The following CSMD2 variants were observed in gnomAD, a reference collection of about 807,000 sequenced individuals.
CSMD2 encodes CUB and Sushi multiple domains 2.
In CSMD2, 130 loss-of-function variants were observed where a neutral mutation model predicts 398.5. The ratio of observed to expected loss-of-function variants is 0.33; its 90% CI spans 0.28 to 0.38. CSMD2 has a LOEUF of 0.38. CSMD2 is among the 10% of genes least tolerant of loss of function. The probability of loss-of-function intolerance (pLI) is 1.00; values close to 1 mark genes in which losing one functional copy is unlikely to be tolerated. For missense variants in CSMD2, 3,829 were observed against 4,764.9 expected (o/e 0.80, Z 5.78); for synonymous variants, 1,828 against 1,908.5 (o/e 0.96, Z 1.10).
Position 33,537,364 on chromosome 1 carries a change from A to G in CSMD2, c.9805+72T>C. The G allele has an allele frequency of 1.4e-6, 2 of 1,424,992 alleles. No homozygotes were observed. The highest frequency in any genetic ancestry group is 1.9e-6 in the Non-Finnish European group (2 of 1,038,924). The allele number at this position is 1,424,992 out of a possible 1,614,324, so 88.3% of individuals were successfully genotyped here. On this transcript the variant is annotated intron_variant, in intron 61 of 70. Coordinates refer to ENST00000373381, the MANE Select transcript of CSMD2 (RefSeq NM_001281956.2). The surrounding 1 kb of genome is among the most constrained non-coding windows in gnomAD (Gnocchi z 4.6). Reference sequence around the variant, plus strand: ...CCACTGAAGACAGGGAAGGAAAGTAATCATCTCAGGCCCAAAAGAAGGTCT... The same window carrying G: ...CCACTGAAGACAGGGAAGGAAAGTAGTCATCTCAGGCCCAAAAGAAGGTCT...
chr1:33,804,735 C>T (rs931095348), intron 10 of CSMD2: 5 of 717,300 alleles, frequency 7.0e-6, no homozygotes, highest in Non-Finnish European at 1.0e-5. Context: ...TTGGATACAC[C>T]TGTATCTCAC....
chr1:33,610,164 G>A (rs1223739966), intron 41 of CSMD2, among the ~76,000 whole-genome samples: 1 of 151,598 alleles, frequency 6.6e-6, no homozygotes, highest in Non-Finnish European at 1.5e-5. Context: ...TTGGCTTATG[G>A]TATTTTGTTA....
intron 29 of CSMD2, among the ~76,000 whole-genome samples, chr1:33,644,115 C>T (rs1330129163): frequency 1.3e-5 from 2 of 152,098 alleles, no homozygotes; most frequent in Non-Finnish European, 2.9e-5. Context: ...TTGGCTGGCT[C>T]CGATGGCAGC....
At chr1:34,140,019 T>C (rs767439468) in intron 1 of CSMD2, among the ~76,000 whole-genome samples, 13 of 152,144 alleles carry the variant, frequency 8.5e-5, no homozygotes, top group East Asian at 3.9e-4. Flanking sequence ...GGACCATCCA[T>C]GGTCCAGAGG....
intron 6 of CSMD2, among the ~76,000 whole-genome samples, chr1:33,830,447 G>A (rs1029626602): frequency 6.6e-6 from 1 of 152,174 alleles, no homozygotes; most frequent in Non-Finnish European, 1.5e-5. Context: ...TGCAGCTGAG[G>A]GTCCTGTCTG....
chr1:33,669,949 T>A (rs1216503830), intron 25 of CSMD2, among the ~76,000 whole-genome samples: 2 of 152,222 alleles, frequency 1.3e-5, no homozygotes, highest in African/African-American at 4.8e-5. Flanking sequence ...AGACAGATTC[T>A]TCCCCAGTAT....
chr1:33,710,434 T>C (rs1378056757), intron 21 of CSMD2, among the ~76,000 whole-genome samples: 2 of 151,662 alleles, frequency 1.3e-5, no homozygotes, highest in Admixed American at 6.6e-5. Flanking sequence ...TGAATGGATA[T>C]GGAGTACACT....
intron 2 of CSMD2, among the ~76,000 whole-genome samples, chr1:34,075,262 A>G (rs1656197823): frequency 6.6e-6 from 1 of 152,212 alleles, no homozygotes; most frequent in East Asian, 1.9e-4. Context: ...GGGTCCTCCC[A>G]GCCTCCTTCT....
At chr1:33,787,682 A>G (rs1653700328) in intron 12 of CSMD2, among the ~76,000 whole-genome samples, 1 of 152,172 alleles carries the variant, frequency 6.6e-6, no homozygotes, top group African/African-American at 2.4e-5. Flanking sequence ...TCTAGCGTCT[A>G]GTACCTAAGA....
In CSMD2 at chr1:33,859,430, T is replaced by C. The variant is rs116556086; in HGVS notation, c.921-12434A>G. The stretch of plus-strand genomic sequence containing the variant: ...ATCACATCTCCTCTGACTGTGACAC[T>C]CCTGCCTTCCTCTTACAAAGGCCAT... On this transcript the variant is annotated intron_variant, in intron 5 of 70. Transcript: ENST00000373381. Among the ~76,000 whole-genome samples the C allele has an allele frequency of 8.1e-3, 1,232 of 152,344 alleles. 21 individuals are homozygous for C. Among genetic ancestry groups the C allele is most frequent in the African/African-American group, 0.028 (1,176 of 41,566 alleles).
chr1:34,034,724 C>T (rs369940019), intron 2 of CSMD2, among the ~76,000 whole-genome samples: 2 of 151,906 alleles, frequency 1.3e-5, no homozygotes, highest in African/African-American at 4.8e-5. Flanking sequence ...CTAATGGATA[C>T]AACATAAAAC....
intron 3 of CSMD2, among the ~76,000 whole-genome samples, chr1:33,989,278 C>T (rs1272582380): frequency 1.3e-5 from 2 of 151,378 alleles, no homozygotes; most frequent in Admixed American, 6.6e-5. Flanking sequence ...AAATTAAAAC[C>T]ACAATGAGAT....
At position 33,559,282 on chromosome 1, in the gene CSMD2, A is replaced by G; in HGVS notation, c.8554+18T>C. On this transcript the variant is annotated intron_variant, in intron 54 of 70. Coordinates refer to ENST00000373381, the MANE Select transcript of CSMD2 (RefSeq NM_001281956.2). This position sits in a 1 kb window ranked among gnomAD's most constrained non-coding sequence, Gnocchi z 4.0. The stretch of plus-strand genomic sequence containing the variant: ...CAGAGATGGTGGGGACTGGATTGGG[A>G]GAGAAAGGGTGACTCACTTCTGCAG... 6.5e-7 allele frequency: 1 copy of G among 1,533,426 alleles called. No individual in the cohort carries two copies. The highest frequency in any genetic ancestry group is 2.1e-4 in the Middle Eastern group (1 of 4,688). The allele number at this position is 1,533,426 out of a possible 1,614,324, so 95.0% of individuals were successfully genotyped here.
intron 5 of CSMD2, among the ~76,000 whole-genome samples, chr1:33,882,477 A>G (rs774091564): frequency 6.6e-6 from 1 of 152,246 alleles, no homozygotes; most frequent in Non-Finnish European, 1.5e-5. Context: ...AATGAAACAT[A>G]TCTACCTTTC....
At chr1:33,543,433 T>TC (rs1656554709) in intron 57 of CSMD2, among the ~76,000 whole-genome samples, 1 of 152,256 alleles carries the variant, frequency 6.6e-6, no homozygotes. Flanking sequence ...TATTCCTCTA[T>TC]CCCCTGTAGT....
chr1:33,624,584 C>G lies in CSMD2; in HGVS notation c.5560G>C (p.Glu1854Gln). The G allele has an allele frequency of 1.2e-6, 2 of 1,614,016 alleles. No individual in the cohort carries two copies. Among genetic ancestry groups the G allele is most frequent in the Non-Finnish European group, 1.7e-6 (2 of 1,179,944 alleles). ...RGTILSPGFP[E>Q]PYLNSLNCVW... ...CAGTTGAGGCTGTTGAGGTACGGCT[C>G]TGGGAAGCCAGGGGACAGGATGGTG... is the stretch of plus-strand genomic sequence containing the variant. The change falls in exon 35 of 71, where the codon GAG becomes CAG. Residue 1854 changes from glutamate (E) to glutamine (Q), a missense_variant. Glu to Gln is a conservative substitution (Grantham distance 29). Coordinates refer to ENST00000373381, the MANE Select transcript of CSMD2 (RefSeq NM_001281956.2). The surrounding 1 kb of genome is among the most constrained non-coding windows in gnomAD (Gnocchi z 4.7).
rs368655039 is a variant in CSMD2, at chr1:33,583,715, G to A, written c.7167C>T (p.Pro2389=). The change falls in exon 47 of 71, where the codon CCC becomes CCT. Residue 2389 remains proline, a synonymous_variant. Transcript: ENST00000373381. ...QTCSWLVRVE[P]DYNISLTVEY... ...CCACTGTGAGGGAGATGTTATAGTC[G>A]GGCTCCACTCTCACCAGCCAAGAGC... 5.5e-5 allele frequency: 89 copies of A among 1,614,008 alleles called. No homozygotes were observed. The highest frequency in any genetic ancestry group is 2.2e-5 in the South Asian group (2 of 91,082).
intron 2 of CSMD2, among the ~76,000 whole-genome samples, chr1:34,072,894 C>G (rs1031746923): frequency 3.9e-5 from 6 of 152,102 alleles, no homozygotes; most frequent in Non-Finnish European, 8.8e-5. Flanking sequence ...TTTCCAGAGC[C>G]TCATCCCTGG....
chr1:34,094,092 G>A (rs1292554448), intron 1 of CSMD2, among the ~76,000 whole-genome samples: 1 of 151,976 alleles, frequency 6.6e-6, no homozygotes, highest in Non-Finnish European at 1.5e-5. Flanking sequence ...GAAGAGAGTG[G>A]GGGCCAATAT....
Sources: gnomAD v4.1 joint callset for allele counts (sites outside exome capture counted in the v4.1 genomes callset) on GRCh38, gnomAD v4.1.1 for gene constraint, Gnocchi (gnomAD v3.1) non-coding constraint, MANE v1.5 for transcripts, NCBI Gene and HGNC (gene_info 2026-07-23, HGNC 2026-07-21) for gene names.